Variants in TNKS observed in about 807,000 individuals in gnomAD.
The protein encoded by TNKS is tankyrase.
Under a neutral mutation model 135.8 loss-of-function variants are expected in TNKS, and 72 were observed. The ratio of observed to expected loss-of-function variants is 0.53; its 90% CI spans 0.44 to 0.64. TNKS has a LOEUF of 0.64. Ranked by LOEUF, TNKS falls within the 30% of genes least tolerant of loss-of-function variation. The pLI is 0.00. For synonymous variants in TNKS, 849 were observed against 649.3 expected, an observed-to-expected ratio of 1.31 and a Z score of -4.68; for missense variants, 1,769 against 1,674.0, an observed-to-expected ratio of 1.06 and a Z score of -0.99.
At chr8:9,766,149 A>C (rs1161328189) in intron 24 of TNKS, 90 bp from the exon 25 acceptor site, 1 of 1,119,640 alleles carries the variant, frequency 8.9e-7, no homozygotes, top group African/African-American at 1.6e-5. Flanking sequence ...TCATTTCTTA[A>C]TATTAACCTG....
At chr8:9,654,709 G>T (rs913661369) in intron 3 of TNKS, among the ~76,000 whole-genome samples, 1 of 152,186 alleles carries the variant, frequency 6.6e-6, no homozygotes, top group South Asian at 2.1e-4. Context: ...TGTGTTCTTA[G>T]ATTCCTGTGT....
intron 1 of TNKS, among the ~76,000 whole-genome samples, chr8:9,563,318 C>A (rs1797408536): frequency 1.3e-5 from 2 of 151,630 alleles, no homozygotes; most frequent in Admixed American, 6.6e-5. Context: ...CTTTTTTTCT[C>A]CTTTCATCTT....
chr8:9,666,854 G>T (rs1315330553), intron 3 of TNKS, among the ~76,000 whole-genome samples: 1 of 152,084 alleles, frequency 6.6e-6, no homozygotes, highest in East Asian at 1.9e-4. Flanking sequence ...ATAATAATTG[G>T]CCCTGAATTG....
At chr8:9,671,268 A>C (rs958735516) in intron 3 of TNKS, 7 of 152,212 alleles carry the variant, frequency 4.6e-5, no homozygotes, top group African/African-American at 1.7e-4. Context: ...AAGAAAAATG[A>C]AGTTATTTGT....
rs557480579 is a variant in TNKS, at chr8:9,694,560, A to G, written c.1108-10103A>G. ...GTGGATCACTTGAGGTCAGGAGTTC[A>G]CGACCAGCCTGACCAACATGGTGAA... is the stretch of plus-strand genomic sequence containing the variant. On this transcript the variant is annotated intron_variant, in intron 5 of 26. Coordinates refer to ENST00000310430, the MANE Select transcript of TNKS (RefSeq NM_003747.3). Among the ~76,000 whole-genome samples, 3 of 152,134 alleles carry G rather than the reference A, an allele frequency of 2.0e-5. No individual in the cohort carries two copies. In the East Asian group the frequency reaches 5.8e-4, roughly 29 times the overall value.
At chr8:9,651,666 A>T (rs576638730) in intron 3 of TNKS, among the ~76,000 whole-genome samples, 13 of 152,304 alleles carry the variant, frequency 8.5e-5, no homozygotes, top group African/African-American at 3.1e-4. Context: ...CAGGCTGGTG[A>T]TGTCATTAGT....
chr8:9,704,750 G>C lies in TNKS; in HGVS notation c.1195G>C (p.Asp399His). Residue 399 changes from aspartate (D) to histidine (H), a missense_variant, in exon 6 of 27, where the codon GAC (aspartate) becomes CAC (histidine). Asp to His is a moderately conservative substitution (Grantham distance 81). Around this residue, in one of 5 missense-constraint regions of TNKS, gnomAD observed 523 missense variants for 541.0 expected, o/e 0.97. Coordinates refer to ENST00000310430, the MANE Select transcript of TNKS (RefSeq NM_003747.3). The stretch of plus-strand genomic sequence containing the variant: ...GCATGGTGCTGATGTTCATGCAAAA[G>C]ACAAAGGGTAGGTCTATCAGTTTAC... ...LQHGADVHAK[D>H]KGGLVPLHNA... 1 of 1,612,816 alleles carries C rather than the reference G, an allele frequency of 6.2e-7. No homozygotes were observed. Among genetic ancestry groups the C allele is most frequent in the Non-Finnish European group, 8.5e-7 (1 of 1,179,082 alleles).
intron 3 of TNKS, among the ~76,000 whole-genome samples, chr8:9,645,289 A>C (rs1054985598): frequency 4.2e-4 from 64 of 152,122 alleles, no homozygotes; most frequent in African/African-American, 1.4e-3. Context: ...GATTGTGGCT[A>C]CCTATGAAGA....
At chr8:9,580,690 A>C (rs868011778) in intron 2 of TNKS, among the ~76,000 whole-genome samples, 14 of 152,148 alleles carry the variant, frequency 9.2e-5, no homozygotes, top group African/African-American at 3.4e-4. Context: ...CTATCCTACC[A>C]TCAATGAGAG....
chr8:9,776,856 G>C lies in TNKS; in HGVS notation c.*120G>C, dbSNP rs536613301. The C allele has an allele frequency of 8.6e-6, 8 of 926,616 alleles. No homozygotes were observed. In the South Asian group the frequency reaches 1.2e-4, roughly 14 times the overall value. 57.4% of individuals were successfully genotyped at this position (926,616 alleles called of 1,614,324 possible). On this transcript the variant is annotated 3_prime_UTR_variant, in exon 27 of 27. Transcript: ENST00000310430. ...CTGACAGCCTAGAAATAAGCTGTTT[G>C]TCTTCTATAAAGCATTGCTATAGTG...
rs202182869 is a variant in TNKS, at chr8:9,651,238, GT to G, written c.995-28706del. Among the ~76,000 whole-genome samples, 115 of 151,968 alleles carry G rather than the reference GT, an allele frequency of 7.6e-4. 2 individuals are homozygous for G. In the East Asian group the frequency reaches 0.021, roughly 28 times the overall value. ...AATGAAGTGGGGCTCACTTCTGTTG[GT>G]TTTTTTAATCTTTAATTGTGTAATA... is the stretch of plus-strand genomic sequence containing the variant. On this transcript the variant is annotated intron_variant, in intron 3 of 26. Transcript: ENST00000310430.
At position 9,703,816 on chromosome 8, in the gene TNKS, A is replaced by G. The variant is rs75999277; in HGVS notation, c.1108-847A>G. Among the ~76,000 whole-genome samples the G allele has an allele frequency of 4.1e-4, 63 of 152,322 alleles. 1 individual carries two copies. In the East Asian group the frequency reaches 0.012, roughly 28 times the overall value. On this transcript the variant is annotated intron_variant, in intron 5 of 26. Coordinates refer to ENST00000310430, the MANE Select transcript of TNKS (RefSeq NM_003747.3). ...ATGAAAAACCCGTTATGGTATTTAA[A>G]CTTTAAATTAGCAAAGGTGGAAAAT...
At chr8:9,652,526 C>A (rs1243150166) in intron 3 of TNKS, among the ~76,000 whole-genome samples, 1 of 152,066 alleles carries the variant, frequency 6.6e-6, no homozygotes, top group East Asian at 1.9e-4. Context: ...AATACCTCTC[C>A]TTTTTGTTTA....
At chr8:9,574,989 A>G (rs941887218) in intron 1 of TNKS, 12 of 930,366 alleles carry the variant, frequency 1.3e-5, no homozygotes, top group East Asian at 1.2e-4. Flanking sequence ...GAATGTGGAA[A>G]GATTCTAAGG....
At chr8:9,770,410 A>AAAAT in intron 26 of TNKS, 148 bp downstream of exon 26, 1 of 936,192 alleles carries the variant, frequency 1.1e-6, no homozygotes, top group Non-Finnish European at 1.5e-6. Context: ...TAAAGGTATC[A>AAAAT]AAATAATTCT....
At chr8:9,576,020 CCTT>C (rs1268801346) in intron 1 of TNKS, among the ~76,000 whole-genome samples, 1 of 152,138 alleles carries the variant, frequency 6.6e-6, no homozygotes, top group Non-Finnish European at 1.5e-5. Context: ...TCCTCCCACA[CCTT>C]CTGTAGAAGG....
intron 13 of TNKS, among the ~76,000 whole-genome samples, chr8:9,729,170 C>T (rs935509326): frequency 5.9e-5 from 9 of 152,158 alleles, no homozygotes; most frequent in African/African-American, 2.2e-4. Flanking sequence ...TGTGTGAAGC[C>T]TCTTTTAGAA....
At chr8:9,568,960 A>G (rs933227054) in intron 1 of TNKS, among the ~76,000 whole-genome samples, 7 of 152,244 alleles carry the variant, frequency 4.6e-5, no homozygotes, top group African/African-American at 1.2e-4. Flanking sequence ...TGTTTTGAGC[A>G]TTTAGAAAAT....
intron 3 of TNKS, among the ~76,000 whole-genome samples, chr8:9,669,177 G>T (rs1233445565): frequency 1.3e-5 from 2 of 151,996 alleles, no homozygotes; most frequent in African/African-American, 4.8e-5. Context: ...CCAGCACTTT[G>T]GGAGGCCGAG....
Sources: gnomAD v4.1 joint callset for allele counts (sites outside exome capture counted in the v4.1 genomes callset) on GRCh38, gnomAD v4.1.1 for gene constraint, gnomAD v4.1.1 regional missense constraint, MANE v1.5 for transcripts, NCBI Gene and HGNC (gene_info 2026-07-23, HGNC 2026-07-21) for gene names.